Variants in MRPS31 observed in about 807,000 individuals in gnomAD.
MRPS31 encodes the protein small ribosomal subunit protein mS31.
MRPS31 carries 32 observed loss-of-function variants against 43.1 expected under a neutral mutation model. That is an observed-to-expected ratio of 0.74 (90% CI 0.56 to 1.00). The LOEUF is 1.00. Among genes scored for constraint, MRPS31 ranks in the 50% least tolerant of loss-of-function variants. MRPS31 has a pLI of 0.00. For missense variants in MRPS31, 437 were observed against 466.7 expected (o/e 0.94, Z 0.59); for synonymous variants, 165 against 161.6 (o/e 1.02, Z -0.16).
chr13:40,764,737 G>T (rs1593278977), intron 2 of MRPS31, among the ~76,000 whole-genome samples: 6 of 152,168 alleles, frequency 3.9e-5, no homozygotes, highest in Admixed American at 3.3e-4. Context: ...AGCAGCAACT[G>T]CCAGACCTAT....
chr13:40,758,485 C>A (rs2138012620), intron 3 of MRPS31, among the ~76,000 whole-genome samples: 1 of 152,154 alleles, frequency 6.6e-6, no homozygotes, highest in South Asian at 2.1e-4. Flanking sequence ...ACATAGGCAG[C>A]AAGTAGTATA....
chr13:40,729,727 T>C (rs1879617115), intron 6 of MRPS31, 126 bp from the exon 7 acceptor site: 1 of 666,888 alleles, frequency 1.5e-6, no homozygotes, highest in East Asian at 2.8e-5. Context: ...AGACCTAGGT[T>C]GCATTTTTTT....
chr13:40,745,543 C>T (rs1355434239), intron 6 of MRPS31, among the ~76,000 whole-genome samples: 6 of 152,182 alleles, frequency 3.9e-5, no homozygotes, highest in African/African-American at 1.4e-4. Context: ...TGAGCCACCA[C>T]GCCCAGCCAA....
intron 6 of MRPS31, among the ~76,000 whole-genome samples, chr13:40,745,655 T>A (rs1409398228): frequency 1.3e-5 from 2 of 152,180 alleles, no homozygotes; most frequent in South Asian, 2.1e-4. Context: ...ATTTTAACAG[T>A]GTCTTTCACA....
chr13:40,770,924 C>A, intron 1 of MRPS31, 61 bp downstream of exon 1: 1 of 1,605,348 alleles, frequency 6.2e-7, no homozygotes, highest in Non-Finnish European at 8.5e-7. Flanking sequence ...CAGGTGGTAA[C>A]ATCGACCCCA....
At position 40,766,935 on chromosome 13, in the gene MRPS31, G is replaced by A. The variant is rs757626748; in HGVS notation, c.251C>T (p.Thr84Ile). ...SVRTEETSKETSESQDSEKEN... is the reference protein window; with the variant it reads ...SVRTEETSKEISESQDSEKEN... ...CTTTTCACTGTCTTGGCTCTCTGAA[G>A]TCTCCTTGGAAGTCTCCTCAGTTCG... Residue 84 changes from threonine to isoleucine, a missense_variant, in exon 2 of 7, where the codon ACT (threonine) becomes ATT (isoleucine). Coordinates refer to ENST00000323563, the MANE Select transcript of MRPS31 (RefSeq NM_005830.4). 3.1e-6 allele frequency: 5 copies of A among 1,614,034 alleles called. No homozygotes were observed. The South Asian group carries it at 5.5e-5, about 18-fold the overall frequency.
chr13:40,738,835 T>C (rs946911582), intron 6 of MRPS31, among the ~76,000 whole-genome samples: 6 of 152,208 alleles, frequency 3.9e-5, no homozygotes, highest in Admixed American at 6.5e-5. Context: ...AATATCATAC[T>C]GAATGGGCAA....
At chr13:40,768,342 A>G (rs1566113128) in intron 1 of MRPS31, among the ~76,000 whole-genome samples, 1 of 152,108 alleles carries the variant, frequency 6.6e-6, no homozygotes, top group African/African-American at 2.4e-5. Flanking sequence ...TGCTTCTCAA[A>G]CTTTAAGCTT....
At chr13:40,733,988 G>A (rs527456503) in intron 6 of MRPS31, among the ~76,000 whole-genome samples, 2 of 149,976 alleles carry the variant, frequency 1.3e-5, no homozygotes, top group East Asian at 3.9e-4. Flanking sequence ...AAAAGGCCAG[G>A]TGCAGCGGCT....
intron 6 of MRPS31, among the ~76,000 whole-genome samples, chr13:40,734,002 G>A (rs1395672074): frequency 6.8e-6 from 1 of 147,876 alleles, no homozygotes; most frequent in African/African-American, 2.5e-5. Flanking sequence ...AGCGGCTCAT[G>A]TCTGTAATCC....
chr13:40,769,948 T>C (rs1880960912), intron 1 of MRPS31, among the ~76,000 whole-genome samples: 1 of 152,234 alleles, frequency 6.6e-6, no homozygotes, highest in Non-Finnish European at 1.5e-5. Context: ...AAGACTCCTC[T>C]TTCAGACTGA....
At chr13:40,766,524 A>C (rs1256662326) in intron 2 of MRPS31, among the ~76,000 whole-genome samples, 2 of 151,790 alleles carry the variant, frequency 1.3e-5, no homozygotes, top group African/African-American at 2.4e-5. Context: ...CAAACTCCTG[A>C]CCTCAAGTGA....
At chr13:40,733,507 A>G (rs1341143787) in intron 6 of MRPS31, among the ~76,000 whole-genome samples, 1 of 152,248 alleles carries the variant, frequency 6.6e-6, no homozygotes, top group Non-Finnish European at 1.5e-5. Flanking sequence ...AATAATGTCT[A>G]GAACAATGAT....
intron 6 of MRPS31, among the ~76,000 whole-genome samples, chr13:40,730,608 T>C (rs552021722): frequency 6.6e-6 from 1 of 152,316 alleles, no homozygotes; most frequent in Non-Finnish European, 1.5e-5. Context: ...TCGCCCAGGC[T>C]GGAGTGCAAT....
At chr13:40,757,416 G>C (rs1880559969) in intron 3 of MRPS31, among the ~76,000 whole-genome samples, 1 of 148,606 alleles carries the variant, frequency 6.7e-6, no homozygotes, top group Non-Finnish European at 1.5e-5. Context: ...TCACTGAACT[G>C]ACAGTCCAGA....
At chr13:40,729,684 A>T in intron 6 of MRPS31, 83 bp from the exon 7 acceptor site, 1 of 930,260 alleles carries the variant, frequency 1.1e-6, no homozygotes, top group Non-Finnish European at 1.6e-6. Context: ...GAGGTAATAT[A>T]ATATTACAGT....
intron 6 of MRPS31, among the ~76,000 whole-genome samples, chr13:40,731,890 C>T (rs1321860170): frequency 6.6e-6 from 1 of 151,716 alleles, no homozygotes; most frequent in Admixed American, 6.6e-5. Context: ...TTAGAATGCT[C>T]CAGGAGGGCA....
chr13:40,750,375 G>C (rs1184510446), intron 5 of MRPS31, among the ~76,000 whole-genome samples: 2 of 152,048 alleles, frequency 1.3e-5, no homozygotes, highest in Admixed American at 6.6e-5. Context: ...ACTGTGTGTG[G>C]GGTGTGTGTG....
chr13:40,747,587 G>C (rs1215193386), intron 6 of MRPS31, among the ~76,000 whole-genome samples: 1 of 152,132 alleles, frequency 6.6e-6, no homozygotes, highest in Admixed American at 6.5e-5. Flanking sequence ...GGTACTATAT[G>C]AATATACAGG....
Sources: allele counts gnomAD v4.1 joint callset (sites outside exome capture counted in the v4.1 genomes callset), GRCh38; gene constraint gnomAD v4.1.1; transcripts MANE v1.5; gene names NCBI Gene and HGNC (gene_info 2026-07-23, HGNC 2026-07-21).